The following NCKAP5 variants were observed in gnomAD, a reference collection of about 807,000 sequenced individuals.
NCKAP5 encodes NCK associated protein 5.
Under a neutral mutation model 167.0 loss-of-function variants are expected in NCKAP5, and 92 were observed. That is an observed-to-expected ratio of 0.55 (90% CI 0.47 to 0.66). The LOEUF is 0.66. Among genes scored for constraint, NCKAP5 ranks in the 30% least tolerant of loss-of-function variants. The probability of loss-of-function intolerance (pLI) is 0.00; values close to 1 mark genes in which losing one functional copy is unlikely to be tolerated. For missense variants in NCKAP5, 2,378 were observed against 2,315.0 expected, an observed-to-expected ratio of 1.03 and a Z score of -0.56; for synonymous variants, 891 against 877.4, an observed-to-expected ratio of 1.02 and a Z score of -0.27.
At chr2:133,531,912 T>C (rs1022814309) in intron 2 of NCKAP5, among the ~76,000 whole-genome samples, 3 of 152,234 alleles carry the variant, frequency 2.0e-5, no homozygotes, top group African/African-American at 7.2e-5. Context: ...ATAAAAGCAC[T>C]GTAGATGTAG....
intron 12 of NCKAP5, among the ~76,000 whole-genome samples, chr2:132,796,013 T>C (rs1684576757): frequency 6.6e-6 from 1 of 152,080 alleles, no homozygotes; most frequent in South Asian, 2.1e-4. Flanking sequence ...AATTCAAATC[T>C]AACTTGAGAA....
rs114065483 is a variant in NCKAP5, at chr2:133,087,992, A to G, written c.341+41986T>C. 4.5e-3 allele frequency among the ~76,000 whole-genome samples: 683 copies of G among 152,292 alleles called. 12 individuals are homozygous for G. The highest frequency in any genetic ancestry group is 0.016 in the African/African-American group (666 of 41,564). On this transcript the variant is annotated intron_variant, in intron 6 of 19. Coordinates refer to ENST00000409261, the MANE Select transcript of NCKAP5 (RefSeq NM_207363.3). ...TTAACAAACAAGTAAATGACTACTC[A>G]TAAGTTGGGATAAATTTTACCAGGG...
intron 16 of NCKAP5, among the ~76,000 whole-genome samples, chr2:132,746,917 G>C (rs1380438022): frequency 2.6e-5 from 4 of 152,114 alleles, no homozygotes; most frequent in Non-Finnish European, 5.9e-5. Flanking sequence ...TTCTAGCAAA[G>C]GCAAAACTAC....
At chr2:132,753,397 AT>A (rs140471588) in intron 16 of NCKAP5, among the ~76,000 whole-genome samples, 2,872 of 152,270 alleles carry the variant, frequency 0.019, 87 homozygotes, top group African/African-American at 0.066. Flanking sequence ...CTTTCCCAAT[AT>A]GTTTCTGATG....
At chr2:133,311,672 C>G (rs1360307732) in intron 3 of NCKAP5, among the ~76,000 whole-genome samples, 2 of 152,110 alleles carry the variant, frequency 1.3e-5, no homozygotes, top group African/African-American at 4.8e-5. Context: ...CCAGAAAATT[C>G]TAAGGGATTT....
At chr2:133,391,955 C>T (rs1687439817) in intron 3 of NCKAP5, among the ~76,000 whole-genome samples, 1 of 152,220 alleles carries the variant, frequency 6.6e-6, no homozygotes, top group South Asian at 2.1e-4. Flanking sequence ...GCAGGGGTTA[C>T]AACGTCCCTT....
intron 3 of NCKAP5, among the ~76,000 whole-genome samples, chr2:133,353,266 G>A (rs915888502): frequency 3.3e-5 from 5 of 152,122 alleles, no homozygotes; most frequent in African/African-American, 4.8e-5. Flanking sequence ...GGAAGTAATG[G>A]GATTATCACC....
the NCKAP5 span, among the ~76,000 whole-genome samples, chr2:133,608,225 T>G: frequency 6.6e-6 from 1 of 152,160 alleles, no homozygotes; most frequent in Non-Finnish European, 1.5e-5. Flanking sequence ...TTATAGCTTT[T>G]TCATGTCTTT....
intron 10 of NCKAP5, among the ~76,000 whole-genome samples, chr2:132,861,146 G>GGCCACTT (rs1487067880): frequency 6.6e-6 from 1 of 152,040 alleles, no homozygotes; most frequent in Non-Finnish European, 1.5e-5. Flanking sequence ...GCTTTTAAAA[G>GGCCACTT]GCCACTTGCC....
chr2:132,878,310 A>C (rs75330067), intron 9 of NCKAP5, among the ~76,000 whole-genome samples: 1 of 151,864 alleles, frequency 6.6e-6, no homozygotes, highest in Non-Finnish European at 1.5e-5. Context: ...TTCTGCTCCA[A>C]TTTTCTTCCT....
At chr2:132,727,951 T>C (rs570446459) in intron 18 of NCKAP5, among the ~76,000 whole-genome samples, 1 of 152,176 alleles carries the variant, frequency 6.6e-6, no homozygotes, top group Non-Finnish European at 1.5e-5. Context: ...CTCATCATCA[T>C]AGTTGGGCAG....
chr2:133,097,987 C>T (rs2081394478), intron 6 of NCKAP5, among the ~76,000 whole-genome samples: 1 of 152,198 alleles, frequency 6.6e-6, no homozygotes, highest in African/African-American at 2.4e-5. Context: ...TGAAAAGTCA[C>T]TGGCTTTTGG....
In NCKAP5 at chr2:133,403,887, A is replaced by ATGTGTG. The variant is rs138024785; in HGVS notation, c.70-100783_70-100778dup. On this transcript the variant is annotated intron_variant, in intron 3 of 19. Coordinates refer to ENST00000409261, the MANE Select transcript of NCKAP5 (RefSeq NM_207363.3). ...CATAAGCTGGTCTGCAGTCAGGTGG[A>ATGTGTG]TGTGTGTGTGTGTGTGTGTGTGTGT... 5.5e-4 allele frequency among the ~76,000 whole-genome samples: 81 copies of ATGTGTG among 148,216 alleles called. 1 individual carries two copies. The highest frequency in any genetic ancestry group is 1.4e-3 in the African/African-American group (55 of 40,602).
intron 8 of NCKAP5, among the ~76,000 whole-genome samples, chr2:132,953,463 T>C (rs757697154): frequency 6.6e-6 from 1 of 152,150 alleles, no homozygotes; most frequent in African/African-American, 2.4e-5. Flanking sequence ...TGCTTTATTT[T>C]TATTACCTTA....
chr2:132,837,056 G>T (rs1324369814), intron 11 of NCKAP5, among the ~76,000 whole-genome samples: 2 of 152,168 alleles, frequency 1.3e-5, no homozygotes, highest in African/African-American at 2.4e-5. Flanking sequence ...GTCGTAGTAG[G>T]TTGAGCATTT....
At chr2:133,063,851 T>C (rs1228737726) in intron 6 of NCKAP5, among the ~76,000 whole-genome samples, 4 of 152,198 alleles carry the variant, frequency 2.6e-5, no homozygotes, top group Non-Finnish European at 4.4e-5. Context: ...CTGATATATT[T>C]GTGGGGAAAA....
intron 6 of NCKAP5, among the ~76,000 whole-genome samples, chr2:133,125,703 T>C (rs1267105226): frequency 6.6e-6 from 1 of 152,216 alleles, no homozygotes; most frequent in East Asian, 1.9e-4. Flanking sequence ...AGGCTTAATT[T>C]GCAAGTACCT....
In NCKAP5 at chr2:132,823,451, A is replaced by G. The variant is rs185978371; in HGVS notation, c.808-26722T>C. On this transcript the variant is annotated intron_variant, in intron 11 of 19. Coordinates refer to ENST00000409261, the MANE Select transcript of NCKAP5 (RefSeq NM_207363.3). ...CAAGGAATGTGTATTCAGTGAAACT[A>G]AGCTTCATAAATGAAGGAGAGATAA... 1.4e-3 allele frequency among the ~76,000 whole-genome samples: 213 copies of G among 152,348 alleles called. 1 individual carries two copies. Among genetic ancestry groups the G allele is most frequent in the African/African-American group, 4.9e-3 (202 of 41,580 alleles).
In NCKAP5 at chr2:133,332,853, C is replaced by G. The variant is rs117316729; in HGVS notation, c.70-29743G>C. On this transcript the variant is annotated intron_variant, in intron 3 of 19. Transcript: ENST00000409261. ...AAATGACTTGCTCAGAGTGAGACAG[C>G]ATGTCAATACCCAATGCAGGGTTAG... 1.2e-3 allele frequency among the ~76,000 whole-genome samples: 177 copies of G among 152,340 alleles called. 2 individuals are homozygous for G. The East Asian group carries it at 0.028, about 24-fold the overall frequency.
Sources: allele counts gnomAD v4.1 joint callset (sites outside exome capture counted in the v4.1 genomes callset), GRCh38; gene constraint gnomAD v4.1.1; transcripts MANE v1.5; gene names NCBI Gene and HGNC (gene_info 2026-07-23, HGNC 2026-07-21).